SLC38A4: variants seen among roughly 807,000 people sequenced by gnomAD.
SLC38A4 encodes the protein sodium-coupled neutral amino acid transporter 4.
SLC38A4 carries 20 observed loss-of-function variants against 63.1 expected under a neutral mutation model. The ratio of observed to expected loss-of-function variants is 0.32; its 90% CI spans 0.22 to 0.46. SLC38A4 has a LOEUF of 0.46. SLC38A4 is among the 20% of genes least tolerant of loss of function. SLC38A4 has a pLI of 1.00. For synonymous variants in SLC38A4, 230 were observed against 225.5 expected (o/e 1.02, Z -0.18); for missense variants, 526 against 663.6 (o/e 0.79, Z 2.28).
exon 1 of SLC38A4, chr12:46,832,408 T>C (rs1391640775): frequency 1.3e-5 from 2 of 152,232 alleles, no homozygotes; most frequent in African/African-American, 2.4e-5. Flanking sequence ...TTCTTTCTTT[T>C]CTTTTCGCCT....
chr12:46,790,820 A>G (rs1389489058), intron 3 of SLC38A4, among the ~76,000 whole-genome samples: 1 of 152,216 alleles, frequency 6.6e-6, no homozygotes, highest in Non-Finnish European at 1.5e-5. Flanking sequence ...AAACACAAGT[A>G]TAATGATCAC....
At chr12:46,798,120 A>G (rs1592188148) in intron 2 of SLC38A4, among the ~76,000 whole-genome samples, 1 of 152,052 alleles carries the variant, frequency 6.6e-6, no homozygotes, top group Non-Finnish European at 1.5e-5. Flanking sequence ...GCCTCCCCTA[A>G]CCACCCCCAC....
At chr12:46,801,638 A>G (rs758461232) in intron 2 of SLC38A4, among the ~76,000 whole-genome samples, 1 of 152,098 alleles carries the variant, frequency 6.6e-6, no homozygotes, top group Non-Finnish European at 1.5e-5. Context: ...TGCAACTTCT[A>G]AAAGCCAAAT....
In SLC38A4 at chr12:46,775,071, G is replaced by A; in HGVS notation, c.1277C>T (p.Thr426Ile). 1 of 1,612,766 alleles carries A rather than the reference G, an allele frequency of 6.2e-7. No homozygotes were observed. Among genetic ancestry groups the A allele is most frequent in the Non-Finnish European group, 8.5e-7 (1 of 1,179,120 alleles). The part of the protein sequence containing the change: ...RLAVLVAVTL[T>I]VPIVLFPIRT... ...TACTGGGAAGAGGACAATGGGCACAGTTAGTGTTACTGCCACAAGGACTGC... is the reference window on the plus strand; with the variant it reads ...TACTGGGAAGAGGACAATGGGCACAATTAGTGTTACTGCCACAAGGACTGC... Residue 426 changes from threonine (T) to isoleucine (I), a missense_variant, in exon 14 of 17, where the codon ACT becomes ATT. Physicochemically the swap from Thr to Ile is moderately conservative, Grantham distance 89 (BLOSUM62 -1). Transcript: ENST00000266579.
In SLC38A4 at chr12:46,778,692, G is replaced by A. The variant is rs756253594; in HGVS notation, c.802C>T (p.Pro268Ser). 1.6e-5 allele frequency: 26 copies of A among 1,612,678 alleles called. No homozygotes were observed. The highest frequency in any genetic ancestry group is 2.2e-5 in the Non-Finnish European group (26 of 1,179,280). Residue 268 changes from proline to serine, a missense_variant, in exon 11 of 17, where the codon CCA becomes TCA. Coordinates refer to ENST00000266579, the MANE Select transcript of SLC38A4 (RefSeq NM_018018.5). ...TTGGGTAACATTACCACATGCATTG[G>A]AAGCGTGTTGTTGAATGACAGATTT... ...VGNLSFNNTLPMHVVMLPNNS... is the reference protein window; with the variant it reads ...VGNLSFNNTLSMHVVMLPNNS...
intron 6 of SLC38A4, 76 bp downstream of exon 6, chr12:46,785,028 G>T: frequency 8.6e-7 from 1 of 1,158,902 alleles, no homozygotes; most frequent in Non-Finnish European, 1.3e-6. Flanking sequence ...ATCATCCTAA[G>T]GTTATGAAGC....
chr12:46,775,202 C>G (rs1433454967), intron 13 of SLC38A4, 29 bp from the exon 14 acceptor site: 1 of 1,605,048 alleles, frequency 6.2e-7, no homozygotes, highest in African/African-American at 1.3e-5. Flanking sequence ...AATGAAACCG[C>G]TTGGTGTTGT....
chr12:46,769,478 A>G, intron 14 of SLC38A4, 50 bp from the exon 15 acceptor site: 1 of 1,575,196 alleles, frequency 6.3e-7, no homozygotes, highest in South Asian at 1.1e-5. Flanking sequence ...TTTTGACTTT[A>G]TCTATTACTT....
intron 2 of SLC38A4, among the ~76,000 whole-genome samples, chr12:46,799,061 G>C (rs1939075536): frequency 6.6e-6 from 1 of 152,136 alleles, no homozygotes; most frequent in African/African-American, 2.4e-5. Context: ...GAGATAATGA[G>C]TGTCAAAGTT....
intron 1 of SLC38A4, among the ~76,000 whole-genome samples, chr12:46,820,148 C>A (rs554114066): frequency 8.6e-5 from 13 of 151,942 alleles, no homozygotes; most frequent in African/African-American, 3.1e-4. Flanking sequence ...ATATCCATCA[C>A]CTTCAAAAGT....
chr12:46,823,750 T>A (rs1474941045), intron 1 of SLC38A4, among the ~76,000 whole-genome samples: 1 of 152,194 alleles, frequency 6.6e-6, no homozygotes, highest in Non-Finnish European at 1.5e-5. Flanking sequence ...TTCTCTTCTC[T>A]CTTTGGAGGT....
intron 1 of SLC38A4, among the ~76,000 whole-genome samples, chr12:46,819,289 C>G (rs912288867): frequency 6.7e-6 from 1 of 150,104 alleles, no homozygotes; most frequent in African/African-American, 2.5e-5. Flanking sequence ...TTCAAACTAA[C>G]TAAGGGGAGG....
chr12:46,787,327 A>C (rs1211772127), intron 5 of SLC38A4, among the ~76,000 whole-genome samples: 2 of 152,182 alleles, frequency 1.3e-5, no homozygotes, highest in African/African-American at 4.8e-5. Context: ...TAAAACATTA[A>C]AATTGTGGTG....
At chr12:46,817,534 G>A (rs914184229) in intron 1 of SLC38A4, among the ~76,000 whole-genome samples, 2 of 151,770 alleles carry the variant, frequency 1.3e-5, no homozygotes, top group Non-Finnish European at 2.9e-5. Flanking sequence ...ATATCACAAG[G>A]TACAAATTGC....
intron 10 of SLC38A4, 117 bp downstream of exon 10, chr12:46,779,494 G>T: frequency 2.5e-6 from 2 of 793,550 alleles, no homozygotes; most frequent in Non-Finnish European, 4.1e-6. Context: ...AAAATCACTT[G>T]TGATACAAGA....
intron 1 of SLC38A4, among the ~76,000 whole-genome samples, chr12:46,812,548 C>T (rs900972666): frequency 6.6e-6 from 1 of 152,032 alleles, no homozygotes; most frequent in Non-Finnish European, 1.5e-5. Context: ...ACTTGGCAAA[C>T]TGTATGAGCT....
upstream of SLC38A4, among the ~76,000 whole-genome samples, chr12:46,826,855 C>T (rs1254134201): frequency 6.6e-6 from 1 of 152,126 alleles, no homozygotes. Flanking sequence ...ATAAACAATG[C>T]ACAAAATCAT....
chr12:46,771,485 C>A (rs1374619259), intron 14 of SLC38A4, among the ~76,000 whole-genome samples: 5 of 151,956 alleles, frequency 3.3e-5, no homozygotes, highest in African/African-American at 9.7e-5. Flanking sequence ...AGTCTCCTGG[C>A]TCCCAGAAAG....
Position 46,778,651 on chromosome 12 carries a change from A to T in SLC38A4, c.843T>A (p.Ser281=), listed in dbSNP as rs1291058388. The change falls in exon 11 of 17, where the codon TCT becomes TCA. Residue 281 remains serine, a synonymous_variant. Coordinates refer to ENST00000266579, the MANE Select transcript of SLC38A4 (RefSeq NM_018018.5). ...TGTAATCCATCATGAAGTTCACATC[A>T]GAACTCTCAGAGTTGTTGGGTAACA... ...VVMLPNNSES[S]DVNFMMDYTH... 3 of 1,613,100 alleles carry T rather than the reference A, an allele frequency of 1.9e-6. No homozygotes were observed. In the Admixed American group the frequency reaches 5.0e-5, roughly 27 times the overall value.
Sources: allele counts gnomAD v4.1 joint callset (sites outside exome capture counted in the v4.1 genomes callset), GRCh38; gene constraint gnomAD v4.1.1; transcripts MANE v1.5; gene names NCBI Gene and HGNC (gene_info 2026-07-23, HGNC 2026-07-21).